Variants in ERLIN1 observed in about 807,000 individuals in gnomAD.
The protein encoded by ERLIN1 is erlin-1.
Under a neutral mutation model 46.9 loss-of-function variants are expected in ERLIN1, and 24 were observed. The observed-to-expected ratio is 0.51, with a 90% CI of 0.37 to 0.72. The LOEUF (loss-of-function observed/expected upper bound fraction) is 0.72. Among genes scored for constraint, ERLIN1 ranks in the 30% least tolerant of loss-of-function variants. ERLIN1 has a pLI of 0.00. For synonymous variants in ERLIN1, 158 were observed against 143.2 expected (o/e 1.10, Z -0.74); for missense variants, 293 against 417.9 (o/e 0.70, Z 2.61).
chr10:100,168,964 G>A (rs1471115201), intron 6 of ERLIN1, among the ~76,000 whole-genome samples: 2 of 152,128 alleles, frequency 1.3e-5, no homozygotes, highest in East Asian at 1.9e-4. Flanking sequence ...GATTACAGGC[G>A]TGAGCCACCA....
intron 8 of ERLIN1, among the ~76,000 whole-genome samples, chr10:100,156,667 C>A (rs983518041): frequency 1.3e-5 from 2 of 152,060 alleles, no homozygotes; most frequent in Non-Finnish European, 2.9e-5. Context: ...TGGAAGTAAT[C>A]TTAAAGGAAA....
chr10:100,184,381 C>T (rs757723350), intron 1 of ERLIN1, among the ~76,000 whole-genome samples: 2 of 152,028 alleles, frequency 1.3e-5, no homozygotes, highest in Non-Finnish European at 2.9e-5. Flanking sequence ...TGAAGGGTGA[C>T]AAGACTATAC....
intron 10 of ERLIN1, among the ~76,000 whole-genome samples, chr10:100,153,683 T>C (rs1244529469): frequency 1.3e-5 from 2 of 152,216 alleles, no homozygotes; most frequent in Non-Finnish European, 2.9e-5. Context: ...GCCTTTTTAA[T>C]ATAGGTTAGT....
chr10:100,157,229 G>A (rs999832438), intron 8 of ERLIN1, among the ~76,000 whole-genome samples: 1 of 152,180 alleles, frequency 6.6e-6, no homozygotes, highest in Non-Finnish European at 1.5e-5. Context: ...GAAATGACAG[G>A]ATGAAAATGG....
chr10:100,176,904 T>C (rs1446971360), intron 4 of ERLIN1, among the ~76,000 whole-genome samples: 1 of 152,060 alleles, frequency 6.6e-6, no homozygotes, highest in Non-Finnish European at 1.5e-5. Context: ...GGGTGGATCA[T>C]TTGAGTCAGG....
intron 2 of ERLIN1, among the ~76,000 whole-genome samples, chr10:100,182,880 C>A (rs1394220536): frequency 2.0e-5 from 3 of 152,118 alleles, no homozygotes; most frequent in African/African-American, 7.2e-5. Flanking sequence ...TATGGAACAA[C>A]ATATGGAAAT....
At chr10:100,179,707 T>G (rs1045701263) in intron 2 of ERLIN1, among the ~76,000 whole-genome samples, 1 of 152,204 alleles carries the variant, frequency 6.6e-6, no homozygotes, top group Non-Finnish European at 1.5e-5. Context: ...TCCACCCACC[T>G]TGGCCTCCCA....
intron 5 of ERLIN1, among the ~76,000 whole-genome samples, chr10:100,175,576 A>C (rs1844249647): frequency 6.6e-6 from 1 of 152,180 alleles, no homozygotes; most frequent in African/African-American, 2.4e-5. Flanking sequence ...TTTGGCTGTA[A>C]TAAATCTTAG....
chr10:100,154,687 C>T (rs576155353), intron 10 of ERLIN1, among the ~76,000 whole-genome samples, 173 bp downstream of exon 10: 8 of 152,284 alleles, frequency 5.3e-5, no homozygotes, highest in African/African-American at 1.7e-4. Context: ...GGCCTGTGTC[C>T]CTACCCAATC....
intron 6 of ERLIN1, among the ~76,000 whole-genome samples, chr10:100,168,486 T>C (rs1701521807): frequency 1.3e-5 from 2 of 151,948 alleles, no homozygotes; most frequent in Admixed American, 1.3e-4. Flanking sequence ...CACAACTCAG[T>C]GGAGACATGC....
intron 9 of ERLIN1, 62 bp downstream of exon 9, chr10:100,156,083 C>A: frequency 9.5e-7 from 1 of 1,048,874 alleles, no homozygotes. Flanking sequence ...AAGGCCTGAA[C>A]CCTGGAGCAG....
intron 5 of ERLIN1, among the ~76,000 whole-genome samples, 173 bp downstream of exon 5, chr10:100,175,772 T>A (rs1464516521): frequency 1.3e-5 from 2 of 152,160 alleles, no homozygotes; most frequent in Non-Finnish European, 2.9e-5. Context: ...CTCTAACAAG[T>A]TATATAAAAA....
At chr10:100,172,895 C>T (rs950934115) in intron 6 of ERLIN1, among the ~76,000 whole-genome samples, 7 of 152,142 alleles carry the variant, frequency 4.6e-5, no homozygotes, top group Non-Finnish European at 7.4e-5. Flanking sequence ...CTCTGAGTAA[C>T]ACCCTGGGCA....
chr10:100,182,477 T>A (rs1844716268), intron 2 of ERLIN1, among the ~76,000 whole-genome samples: 1 of 152,180 alleles, frequency 6.6e-6, no homozygotes, highest in African/African-American at 2.4e-5. Flanking sequence ...TTTTCCAAAG[T>A]CATGCCACCA....
At chr10:100,182,174 ATTTG>A (rs1248694636) in intron 2 of ERLIN1, among the ~76,000 whole-genome samples, 1 of 148,910 alleles carries the variant, frequency 6.7e-6, no homozygotes, top group Admixed American at 6.7e-5. Context: ...AACAAGATCT[ATTTG>A]TTAGAGCCTT....
intron 9 of ERLIN1, among the ~76,000 whole-genome samples, chr10:100,155,672 G>A (rs1465900177): frequency 1.3e-5 from 2 of 151,746 alleles, no homozygotes; most frequent in South Asian, 2.1e-4. Context: ...CCGCCACCAC[G>A]CCCGGCTAAT....
intron 8 of ERLIN1, among the ~76,000 whole-genome samples, chr10:100,161,310 C>T (rs1438794314): frequency 6.6e-6 from 1 of 151,994 alleles, no homozygotes; most frequent in Non-Finnish European, 1.5e-5. Context: ...CATACTTATA[C>T]AAAACCCATT....
At position 100,185,669 on chromosome 10, in the gene ERLIN1, G is replaced by T; in HGVS notation, c.-43C>A. ...GCGGGAGAAAAGGACCCTCAGTCCC[G>T]TGAGTGACAGGTCCACCCCCTCCAG... On this transcript the variant is annotated 5_prime_UTR_variant, in exon 1 of 11. Coordinates refer to ENST00000421367, the MANE Select transcript of ERLIN1 (RefSeq NM_006459.4). The T allele has an allele frequency of 6.7e-7, 1 of 1,490,972 alleles. No individual in the cohort carries two copies. The highest frequency in any genetic ancestry group is 9.4e-7 in the Non-Finnish European group (1 of 1,068,258). The allele number at this position is 1,490,972 out of a possible 1,614,324, so 92.4% of individuals were successfully genotyped here.
At chr10:100,161,159 A>C (rs1204262830) in intron 8 of ERLIN1, among the ~76,000 whole-genome samples, 1 of 152,196 alleles carries the variant, frequency 6.6e-6, no homozygotes, top group African/African-American at 2.4e-5. Context: ...AAAGTATGTG[A>C]CTTAGAAGAA....
Sources: allele counts gnomAD v4.1 joint callset (sites outside exome capture counted in the v4.1 genomes callset), GRCh38; gene constraint gnomAD v4.1.1; transcripts MANE v1.5; gene names NCBI Gene and HGNC (gene_info 2026-07-23, HGNC 2026-07-21).